ZFHX3: variants seen among roughly 807,000 people sequenced by gnomAD.
ZFHX3 encodes zinc finger homeobox protein 3.
In ZFHX3, 42 loss-of-function variants were observed where a neutral mutation model predicts 279.1. The ratio of observed to expected loss-of-function variants is 0.15; its 90% CI spans 0.12 to 0.19. The LOEUF (loss-of-function observed/expected upper bound fraction) is 0.19, where lower values mean the gene tolerates loss of function less well. Among genes scored for constraint, ZFHX3 ranks in the 10% least tolerant of loss-of-function variants. The pLI, the probability that ZFHX3 is intolerant of heterozygous loss-of-function variation, is 1.00. For missense variants in ZFHX3, 4,981 were observed against 4,754.0 expected, an observed-to-expected ratio of 1.05 and a Z score of -1.40; for synonymous variants, 2,293 against 1,957.8, an observed-to-expected ratio of 1.17 and a Z score of -4.52.
At chr16:72,891,478 T>C (rs1404022107) in intron 3 of ZFHX3, among the ~76,000 whole-genome samples, 1 of 152,174 alleles carries the variant, frequency 6.6e-6, no homozygotes, top group Non-Finnish European at 1.5e-5. Context: ...TGGACCCTTT[T>C]TGACTAACAG....
intron 3 of ZFHX3, among the ~76,000 whole-genome samples, chr16:72,937,093 T>G (rs888955122): frequency 1.3e-5 from 2 of 152,080 alleles, no homozygotes; most frequent in Non-Finnish European, 2.9e-5. Context: ...ATTTGGGGGT[T>G]CTGGTCACAG....
intron 3 of ZFHX3, among the ~76,000 whole-genome samples, chr16:73,383,366 G>T (rs775790381): frequency 6.6e-6 from 1 of 152,142 alleles, no homozygotes; most frequent in Non-Finnish European, 1.5e-5. Context: ...AAAAGCCGAG[G>T]CTGTAGAGCG....
chr16:73,392,031 T>C (rs1472386653), intron 3 of ZFHX3, among the ~76,000 whole-genome samples: 1 of 152,120 alleles, frequency 6.6e-6, no homozygotes, highest in Admixed American at 6.6e-5. Context: ...ATGGGAATTT[T>C]ATGAGGGTTT....
chr16:72,862,088 C>G (rs1027128002), intron 4 of ZFHX3, among the ~76,000 whole-genome samples: 3 of 152,198 alleles, frequency 2.0e-5, no homozygotes, highest in Non-Finnish European at 2.9e-5. Flanking sequence ...AGACCATATG[C>G]TCTGTGGGGA....
chr16:73,374,905 G>A (rs1286488908), intron 3 of ZFHX3, among the ~76,000 whole-genome samples: 1 of 152,196 alleles, frequency 6.6e-6, no homozygotes, highest in Non-Finnish European at 1.5e-5. Flanking sequence ...TCTTTGGCAA[G>A]ACTGTGTCAT....
chr16:72,805,907 TTTGAGA>T (rs2036249915), intron 7 of ZFHX3: 1 of 152,428 alleles, frequency 6.6e-6, no homozygotes, highest in Non-Finnish European at 1.5e-5. Flanking sequence ...TCTTTTTTTT[TTTGAGA>T]TAGTCTCACT....
At chr16:73,499,636 A>C (rs1808835775) in intron 2 of ZFHX3, 1 of 152,246 alleles carries the variant, frequency 6.6e-6, no homozygotes. Flanking sequence ...CCAACTCTTT[A>C]GGAATGGAGA....
chr16:73,695,232 G>GTTTTTTTT (rs1409367239), intron 1 of ZFHX3, among the ~76,000 whole-genome samples: 1 of 77,916 alleles, frequency 1.3e-5, no homozygotes. Context: ...TTCAAATACA[G>GTTTTTTTT]TTTTTTTTTG....
chr16:73,603,325 GA>G (rs1754156537), intron 2 of ZFHX3, among the ~76,000 whole-genome samples: 1 of 151,384 alleles, frequency 6.6e-6, no homozygotes, highest in Non-Finnish European at 1.5e-5. Context: ...AAAAGAAAAA[GA>G]GATAAACATG....
At chr16:72,865,507 A>G (rs1387706930) in intron 4 of ZFHX3, among the ~76,000 whole-genome samples, 1 of 152,206 alleles carries the variant, frequency 6.6e-6, no homozygotes, top group Non-Finnish European at 1.5e-5. Context: ...GAGCTCCCAG[A>G]ATGAACTTGG....
At chr16:73,790,355 T>C (rs1047605415) in intron 1 of ZFHX3, among the ~76,000 whole-genome samples, 10 of 151,932 alleles carry the variant, frequency 6.6e-5, no homozygotes, top group African/African-American at 2.4e-4. Flanking sequence ...TTACAACATA[T>C]ATTCTTGCAT....
At chr16:73,390,918 T>A (rs2143397247) in intron 3 of ZFHX3, among the ~76,000 whole-genome samples, 1 of 152,102 alleles carries the variant, frequency 6.6e-6, no homozygotes, top group East Asian at 1.9e-4. Flanking sequence ...TGAGCTCCAA[T>A]TTAACGCCAT....
intron 4 of ZFHX3, among the ~76,000 whole-genome samples, chr16:73,299,572 T>G (rs1267099579): frequency 1.3e-5 from 2 of 151,828 alleles, no homozygotes; most frequent in Non-Finnish European, 2.9e-5. Flanking sequence ...CAGGCCTGAG[T>G]CTCTGGAAAA....
At chr16:72,863,895 T>A (rs183596183) in intron 4 of ZFHX3, among the ~76,000 whole-genome samples, 2 of 152,240 alleles carry the variant, frequency 1.3e-5, no homozygotes, top group Admixed American at 1.3e-4. Context: ...GGTGGGTGGA[T>A]CATGAGGTCA....
At chr16:73,547,159 A>C (rs7191888) in intron 2 of ZFHX3, among the ~76,000 whole-genome samples, 2 of 151,858 alleles carry the variant, frequency 1.3e-5, no homozygotes, top group African/African-American at 4.8e-5. Flanking sequence ...TAAAAATGCA[A>C]TGATGTTCCT....
intron 5 of ZFHX3, among the ~76,000 whole-genome samples, chr16:73,154,022 A>C (rs1357684310): frequency 6.6e-6 from 1 of 152,024 alleles, no homozygotes; most frequent in Non-Finnish European, 1.5e-5. Context: ...AGCATTCTTA[A>C]CCCCAAATCA....
In ZFHX3 at chr16:72,785,047, A is replaced by AAAGT. The variant is rs1340044084; in HGVS notation, c.*2113_*2116dup. The AAAGT allele has an allele frequency of 6.6e-6, 1 of 152,306 alleles. No homozygotes were observed. Among genetic ancestry groups the AAAGT allele is most frequent in the African/African-American group, 2.4e-5 (1 of 41,472 alleles). The allele number at this position is 152,306 out of a possible 1,614,324, so 9.4% of individuals were successfully genotyped here. ...AATGGAACCTGTATTCACAGTCTTC[A>AAAGT]AAGTTCCCTTTTGAAACATAAGGAA... On this transcript the variant is annotated 3_prime_UTR_variant, in exon 10 of 10. Coordinates refer to ENST00000268489, the MANE Select transcript of ZFHX3 (RefSeq NM_006885.4).
At chr16:73,691,396 T>G (rs2053148236) in intron 1 of ZFHX3, among the ~76,000 whole-genome samples, 1 of 152,238 alleles carries the variant, frequency 6.6e-6, no homozygotes, top group Non-Finnish European at 1.5e-5. Flanking sequence ...TCAACACTGC[T>G]GTCCATGAAA....
chr16:73,483,595 G>C (rs573322946), intron 2 of ZFHX3, among the ~76,000 whole-genome samples: 3 of 151,988 alleles, frequency 2.0e-5, no homozygotes, highest in South Asian at 2.1e-4. Context: ...CCTGGAAGAC[G>C]AGAACAAGAA....
Sources: gnomAD v4.1 joint callset for allele counts (sites outside exome capture counted in the v4.1 genomes callset) on GRCh38, gnomAD v4.1.1 for gene constraint, MANE v1.5 for transcripts, NCBI Gene and HGNC (gene_info 2026-07-23, HGNC 2026-07-21) for gene names.